The following DSC3 variants were observed in gnomAD, a reference collection of about 807,000 sequenced individuals.
DSC3 encodes the protein desmocollin 3, also known as desmocollin-3.
In DSC3, 97 loss-of-function variants were observed where a neutral mutation model predicts 89.5. That is an observed-to-expected ratio of 1.08 (90% CI 0.92 to 1.28). The LOEUF (loss-of-function observed/expected upper bound fraction) is 1.28. Ranked by LOEUF, DSC3 falls within the 50% of genes most tolerant of loss-of-function variation. The pLI is 0.00. For synonymous variants in DSC3, 436 were observed against 384.1 expected (o/e 1.14, Z -1.58); for missense variants, 1,199 against 1,085.3 (o/e 1.10, Z -1.47).
At chr18:31,029,169 C>T (rs937507992) in intron 4 of DSC3, among the ~76,000 whole-genome samples, 1 of 152,090 alleles carries the variant, frequency 6.6e-6, no homozygotes, top group Non-Finnish European at 1.5e-5. Context: ...CTACTTCTGT[C>T]TCCTTCACGA....
At position 31,040,682 on chromosome 18, in the gene DSC3, G is replaced by C. The variant is rs143662449; in HGVS notation, c.69+1910C>G. 5.6e-3 allele frequency among the ~76,000 whole-genome samples: 851 copies of C among 152,212 alleles called. 14 individuals carry two copies. Among genetic ancestry groups the C allele is most frequent in the African/African-American group, 0.019 (793 of 41,536 alleles). On this transcript the variant is annotated intron_variant, in intron 1 of 15. Transcript: ENST00000360428. ...CAGATTCTTGTTAAAGACTTGCTTT[G>C]AAAAGCTGTCTCCTTAGAACAAACA...
Position 30,994,334 on chromosome 18 carries a change from T to G in DSC3, c.2532A>C (p.Pro844=), listed in dbSNP as rs373593560. The change falls in exon 16 of 16, where the codon CCA becomes CCC. Residue 844 remains proline, a synonymous_variant. Coordinates refer to ENST00000360428, the MANE Select transcript of DSC3 (RefSeq NM_001941.5). ...HRCNQNEDRM[P]SQDYVLTYNY... ...TATAAGTGAGGACATAATCTTGGGA[T>G]GGCATGCGGTCTTCATTCTGATTAC... The G allele has an allele frequency of 1.2e-4, 199 of 1,614,040 alleles. No individual in the cohort carries two copies. Among genetic ancestry groups the G allele is most frequent in the Non-Finnish European group, 1.6e-4 (187 of 1,179,996 alleles).
At chr18:31,010,968 G>A (rs897308752) in intron 9 of DSC3, among the ~76,000 whole-genome samples, 2 of 152,198 alleles carry the variant, frequency 1.3e-5, no homozygotes, top group Non-Finnish European at 2.9e-5. Flanking sequence ...ACCAAGTGCT[G>A]TTACGTTCAA....
chr18:30,999,460 A>C (rs889973421), intron 14 of DSC3, among the ~76,000 whole-genome samples: 13 of 151,106 alleles, frequency 8.6e-5, no homozygotes, highest in East Asian at 3.9e-4. Context: ...AAAAAAAAAA[A>C]CCCTCCTAAT....
At chr18:31,031,316 T>C (rs1042848279) in intron 2 of DSC3, 144 bp from the exon 3 acceptor site, 1 of 595,218 alleles carries the variant, frequency 1.7e-6, no homozygotes, top group East Asian at 2.8e-5. Context: ...TCTTAACCTG[T>C]TTTTTACATT....
intron 1 of DSC3, among the ~76,000 whole-genome samples, chr18:31,032,587 TGTGC>T (rs755224677): frequency 3.1e-3 from 341 of 108,364 alleles, no homozygotes; most frequent in African/African-American, 0.012. Flanking sequence ...TGTGTGTGTG[TGTGC>T]GTGTGCGTGT....
rs529831586 is a variant in DSC3 at position 31,019,471 on chromosome 18, T to C, written c.943-671A>G. Among the ~76,000 whole-genome samples, 21 of 152,266 alleles carry C rather than the reference T, an allele frequency of 1.4e-4. No individual in the cohort carries two copies. The Middle Eastern group carries it at 0.01, about 74-fold the overall frequency. The stretch of plus-strand genomic sequence containing the variant: ...AAAGCCAAAAAATCAAAGCAGTTAG[T>C]TGAAACTCCCCTGCAGCAATCATCT... On this transcript the variant is annotated intron_variant, in intron 7 of 15. Transcript: ENST00000360428.
chr18:31,003,024 A>T (rs975137672), intron 13 of DSC3, among the ~76,000 whole-genome samples: 12 of 151,862 alleles, frequency 7.9e-5, no homozygotes, highest in African/African-American at 2.9e-4. Flanking sequence ...TTTCCCTGCC[A>T]CTCCTTGGTT....
intron 12 of DSC3, 47 bp downstream of exon 12, chr18:31,006,860 T>C (rs1346499914): frequency 1.4e-6 from 2 of 1,413,680 alleles, no homozygotes; most frequent in Admixed American, 3.6e-5. Flanking sequence ...ATCCTCCAGT[T>C]ATTCTGTTAT....
At chr18:31,004,101 T>A in intron 13 of DSC3, 41 bp downstream of exon 13, 1 of 1,479,128 alleles carries the variant, frequency 6.8e-7, no homozygotes, top group East Asian at 2.4e-5. Context: ...ACCTAGATTT[T>A]TTATTATATA....
chr18:31,000,389 C>T (rs1984612319), intron 14 of DSC3, among the ~76,000 whole-genome samples: 2 of 152,180 alleles, frequency 1.3e-5, no homozygotes, highest in South Asian at 4.1e-4. Context: ...TTCATCTTCC[C>T]CAACCCTGAT....
At chr18:31,002,367 T>C (rs554999392) in intron 13 of DSC3, among the ~76,000 whole-genome samples, 6 of 152,276 alleles carry the variant, frequency 3.9e-5, no homozygotes, top group African/African-American at 9.6e-5. Context: ...CTTTGTATTT[T>C]AAAATGGTTG....
In DSC3 at chr18:30,994,314, G is replaced by A; in HGVS notation, c.2552C>T (p.Thr851Ile). Residue 851 changes from threonine (T) to isoleucine (I), a missense_variant, in exon 16 of 16, where the codon ACT (threonine) becomes ATT (isoleucine). Physicochemically the swap from Thr to Ile is moderately conservative, Grantham distance 89 (BLOSUM62 -1). Transcript: ENST00000360428. ...DRMPSQDYVL[T>I]YNYEGRGSPA... ...AGATCCTCTTCCCTCATAGTTATAA[G>A]TGAGGACATAATCTTGGGATGGCAT... is the stretch of plus-strand genomic sequence containing the variant. The A allele has an allele frequency of 1.2e-6, 2 of 1,614,046 alleles. No individual in the cohort carries two copies. The highest frequency in any genetic ancestry group is 1.1e-5 in the South Asian group (1 of 91,082).
chr18:31,035,261 ACTT>A (rs1985933657), intron 1 of DSC3, among the ~76,000 whole-genome samples: 1 of 152,118 alleles, frequency 6.6e-6, no homozygotes, highest in Non-Finnish European at 1.5e-5. Context: ...AAATTATCGT[ACTT>A]CTCAAAGATC....
At chr18:31,022,591 G>A in intron 6 of DSC3, 89 bp from the exon 7 acceptor site, 1 of 1,439,864 alleles carries the variant, frequency 6.9e-7, no homozygotes, top group South Asian at 1.2e-5. Flanking sequence ...TGTTAACAGT[G>A]ATGATAGAAA....
chr18:31,027,431 A>AT (rs1255223903), intron 4 of DSC3, among the ~76,000 whole-genome samples: 1 of 149,722 alleles, frequency 6.7e-6, no homozygotes, highest in Non-Finnish European at 1.5e-5. Context: ...TACTTCTGCT[A>AT]TTTTTTCTGA....
At chr18:31,025,636 C>A in intron 5 of DSC3, 124 bp downstream of exon 5, 1 of 1,045,898 alleles carries the variant, frequency 9.6e-7, no homozygotes, top group Non-Finnish European at 1.5e-6. Flanking sequence ...CATTCTATTT[C>A]CCATTGACTC....
chr18:31,042,600 T>C lies in DSC3; in HGVS notation c.61A>G (p.Thr21Ala). The change falls in exon 1 of 16, where the codon ACC becomes GCC. Residue 21 changes from threonine (T) to alanine (A), a missense_variant. Thr to Ala is a moderately conservative substitution (Grantham distance 58). Coordinates refer to ENST00000360428, the MANE Select transcript of DSC3 (RefSeq NM_001941.5). ...GGCGAGATCTGGCTTACCACGAGGG[T>C]CAGCAGCAGATGCAGGCAGACGGCT... ...RGAVCLHLLL[T>A]LVIFSRAGEA... 6.5e-7 allele frequency: 1 copy of C among 1,550,312 alleles called. No individual in the cohort carries two copies. The highest frequency in any genetic ancestry group is 1.2e-5 in the South Asian group (1 of 84,046).
At chr18:31,015,398 T>C (rs967516894) in intron 9 of DSC3, among the ~76,000 whole-genome samples, 1 of 152,200 alleles carries the variant, frequency 6.6e-6, no homozygotes, top group Non-Finnish European at 1.5e-5. Context: ...AATGTTTTTC[T>C]TAATACCTCT....
Sources: gnomAD v4.1 joint callset for allele counts (sites outside exome capture counted in the v4.1 genomes callset) on GRCh38, gnomAD v4.1.1 for gene constraint, MANE v1.5 for transcripts, NCBI Gene and HGNC (gene_info 2026-07-23, HGNC 2026-07-21) for gene names.